Variants in RPSA2 observed in about 807,000 individuals in gnomAD.
RPSA2 encodes ribosomal protein SA 2.
the RPSA2 span, among the ~76,000 whole-genome samples, chr19:23,807,028 C>G: frequency 5.9e-5 from 9 of 152,072 alleles, no homozygotes; most frequent in African/African-American, 2.2e-4. Context: ...AAAACTTGTT[C>G]GAGTGCATTT....
the RPSA2 span, among the ~76,000 whole-genome samples, chr19:23,800,912 T>C: frequency 6.6e-6 from 1 of 152,184 alleles, no homozygotes; most frequent in Non-Finnish European, 1.5e-5. Context: ...TCACCTGGCC[T>C]AGATTTCTAC....
At chr19:23,760,738 C>T in the RPSA2 span, among the ~76,000 whole-genome samples, 1 of 149,598 alleles carries the variant, frequency 6.7e-6, no homozygotes, top group Non-Finnish European at 1.5e-5. Flanking sequence ...AGTCTCGGCT[C>T]ACTGCAACCT....
chr19:23,827,578 T>C, the RPSA2 span: 7 of 1,589,132 alleles, frequency 4.4e-6, no homozygotes, highest in Non-Finnish European at 6.0e-6. Flanking sequence ...AGGCATCTTA[T>C]GTTAACCTAC....
chr19:23,866,935 G>A, the RPSA2 span, among the ~76,000 whole-genome samples: 4 of 152,112 alleles, frequency 2.6e-5, no homozygotes, highest in African/African-American at 9.7e-5. Context: ...AGTTGACTCT[G>A]GTTAAGGAGA....
At chr19:23,815,089 T>C in the RPSA2 span, among the ~76,000 whole-genome samples, 3 of 152,188 alleles carry the variant, frequency 2.0e-5, no homozygotes, top group Non-Finnish European at 4.4e-5. Context: ...CAAGTGATCC[T>C]CCTACCTTGA....
the RPSA2 span, among the ~76,000 whole-genome samples, chr19:23,774,977 G>A: frequency 6.6e-6 from 1 of 152,140 alleles, no homozygotes; most frequent in African/African-American, 2.4e-5. Flanking sequence ...TCAGATCATA[G>A]GTGTGATGTT....
chr19:23,870,965 C>T, the RPSA2 span, among the ~76,000 whole-genome samples: 1 of 152,250 alleles, frequency 6.6e-6, no homozygotes, highest in African/African-American at 2.4e-5. Flanking sequence ...TGCTGTGCTC[C>T]TTGAGATTAT....
At chr19:23,859,568 G>A in the RPSA2 span, among the ~76,000 whole-genome samples, 9 of 152,108 alleles carry the variant, frequency 5.9e-5, no homozygotes, top group South Asian at 1.2e-3. Flanking sequence ...TGGAGGTTGC[G>A]GTCAGCTGAG....
At chr19:23,853,019 TGAAGAATATA>T in the RPSA2 span, among the ~76,000 whole-genome samples, 1 of 152,214 alleles carries the variant, frequency 6.6e-6, no homozygotes, top group Admixed American at 6.5e-5. Flanking sequence ...ATCAATATAA[TGAAGAATATA>T]GGCCTGGGGA....
At chr19:23,835,695 G>C in the RPSA2 span, among the ~76,000 whole-genome samples, 4 of 151,972 alleles carry the variant, frequency 2.6e-5, no homozygotes, top group African/African-American at 9.7e-5. Context: ...GGAGTGCAAT[G>C]GTGAGATCTT....
chr19:23,859,857 C>T, the RPSA2 span, among the ~76,000 whole-genome samples: 2 of 152,074 alleles, frequency 1.3e-5, no homozygotes, highest in East Asian at 1.9e-4. Flanking sequence ...AGTTTAAATA[C>T]TAATTAGTAA....
At chr19:23,851,361 T>C in the RPSA2 span, among the ~76,000 whole-genome samples, 148,881 of 152,222 alleles carry the variant, frequency 0.98, 72,901 homozygotes, top group Middle Eastern at 1. Flanking sequence ...TGAGTGAGAT[T>C]GGAACTTCTG....
chr19:23,803,725 T>TA, the RPSA2 span, among the ~76,000 whole-genome samples: 27 of 5,012 alleles, frequency 5.4e-3, no homozygotes, highest in Non-Finnish European at 5.7e-3. Context: ...CCGTCTCTAC[T>TA]AAAAATACAA....
chr19:23,763,057 G>C, the RPSA2 span: 1 of 153,378 alleles, frequency 6.5e-6, no homozygotes, highest in African/African-American at 2.4e-5. Flanking sequence ...GTAGCCCCTG[G>C]TGACTCTGTT....
chr19:23,761,901 ATTCT>A, the RPSA2 span, among the ~76,000 whole-genome samples: 1,393 of 34,038 alleles, frequency 0.041, 153 homozygotes, highest in African/African-American at 0.12. Flanking sequence ...GGGTAACGTA[ATTCT>A]TTCTTTCTTT....
the RPSA2 span, among the ~76,000 whole-genome samples, chr19:23,835,135 C>T: frequency 5.3e-4 from 80 of 152,054 alleles, no homozygotes; most frequent in East Asian, 5.0e-3. Flanking sequence ...TCATTTTTAT[C>T]ATCATAATAC....
At chr19:23,794,245 A>G in the RPSA2 span, among the ~76,000 whole-genome samples, 1 of 152,274 alleles carries the variant, frequency 6.6e-6, no homozygotes, top group East Asian at 1.9e-4. Flanking sequence ...TGAAATGGTA[A>G]TTCTGTTTTT....
At chr19:23,827,570 G>A in the RPSA2 span, 1 of 1,591,968 alleles carries the variant, frequency 6.3e-7, no homozygotes, top group African/African-American at 1.3e-5. Flanking sequence ...TCTCACGGAG[G>A]CATCTTATGT....
chr19:23,758,559 G>T, the RPSA2 span, among the ~76,000 whole-genome samples: 1 of 152,220 alleles, frequency 6.6e-6, no homozygotes, highest in Non-Finnish European at 1.5e-5. Context: ...CACAGTCACT[G>T]AGCAGGGAGG....
Sources: allele counts gnomAD v4.1 joint callset (sites outside exome capture counted in the v4.1 genomes callset), GRCh38; gene constraint gnomAD v4.1.1; transcripts MANE v1.5; gene names NCBI Gene and HGNC (gene_info 2026-07-23, HGNC 2026-07-21).